The following GTF2E2 variants were observed in gnomAD, a reference collection of about 807,000 sequenced individuals.
GTF2E2 encodes the protein transcription initiation factor IIE subunit beta.
GTF2E2 carries 21 observed loss-of-function variants against 40.5 expected under a neutral mutation model. That is an observed-to-expected ratio of 0.52 (90% CI 0.37 to 0.75). The LOEUF is 0.75. Among genes scored for constraint, GTF2E2 ranks in the 30% least tolerant of loss-of-function variants. GTF2E2 has a pLI of 0.00. For missense variants in GTF2E2, 298 were observed against 338.4 expected (o/e 0.88, Z 0.94); for synonymous variants, 117 against 121.6 (o/e 0.96, Z 0.25).
In GTF2E2 at chr8:30,607,104, T is replaced by C. The variant is rs1829336789; in HGVS notation, c.596A>G (p.Lys199Arg). 1.3e-6 allele frequency: 2 copies of C among 1,498,780 alleles called. No individual in the cohort carries two copies. The highest frequency in any genetic ancestry group is 1.2e-5 in the South Asian group (1 of 83,494). 92.8% of individuals were successfully genotyped at this position (1,498,780 alleles called of 1,614,324 possible). ...ILFVNRPDKK[K>R]ILFFNDKSCQ... ...GCTCTTATCATTGAAGAAAAGTATT[T>C]TCTTCTTATCGGGACGATTTACAAA... Residue 199 changes from lysine (K) to arginine (R), a missense_variant, in exon 6 of 8, where the codon AAA becomes AGA. Lys to Arg is a conservative substitution (Grantham distance 26). Coordinates refer to ENST00000355904, the MANE Select transcript of GTF2E2 (RefSeq NM_002095.6).
chr8:30,650,318 ATAGAC>A (rs768902022), intron 2 of GTF2E2, among the ~76,000 whole-genome samples: 1 of 152,198 alleles, frequency 6.6e-6, no homozygotes, highest in South Asian at 2.1e-4. Context: ...TATCATATTA[ATAGAC>A]TAAAGAGTGA....
At chr8:30,584,336 A>C (rs986316323) in intron 6 of GTF2E2, among the ~76,000 whole-genome samples, 1 of 147,970 alleles carries the variant, frequency 6.8e-6, no homozygotes, top group Admixed American at 6.7e-5. Context: ...TTATTATAGA[A>C]TGGTATTTAA....
chr8:30,633,954 C>CT (rs150331341), intron 3 of GTF2E2, among the ~76,000 whole-genome samples: 1 of 152,174 alleles, frequency 6.6e-6, no homozygotes, highest in Non-Finnish European at 1.5e-5. Flanking sequence ...AAAGAAAAGC[C>CT]TTAGCACAGT....
At chr8:30,647,482 G>A (rs1397597057) in intron 2 of GTF2E2, among the ~76,000 whole-genome samples, 1 of 152,124 alleles carries the variant, frequency 6.6e-6, no homozygotes, top group East Asian at 1.9e-4. Context: ...TACTTGGGAG[G>A]CTGAGGCAGA....
chr8:30,578,745 A>T lies in GTF2E2; in HGVS notation c.*176T>A. 1 of 537,788 alleles carries T rather than the reference A, an allele frequency of 1.9e-6. No individual in the cohort carries two copies. The highest frequency in any genetic ancestry group is 3.4e-6 in the Non-Finnish European group (1 of 296,714). The allele number at this position is 537,788 out of a possible 1,614,324, so 33.3% of individuals were successfully genotyped here. On this transcript the variant is annotated 3_prime_UTR_variant, in exon 8 of 8. Coordinates refer to ENST00000355904, the MANE Select transcript of GTF2E2 (RefSeq NM_002095.6). ...AACAGGGAACATCACATTGCCCATG[A>T]GCCCATTCTACTCAAATAAGCTTTG...
chr8:30,615,646 A>C (rs1800899210), intron 3 of GTF2E2, among the ~76,000 whole-genome samples: 1 of 151,968 alleles, frequency 6.6e-6, no homozygotes, highest in African/African-American at 2.4e-5. Flanking sequence ...ATCCAAAGAA[A>C]ACACACACAC....
rs745410470 is a variant in GTF2E2 at position 30,645,476 on chromosome 8, A to T, written c.166+7957T>A. The T allele has an allele frequency of 2.6e-6, 4 of 1,535,508 alleles. No individual in the cohort carries two copies. The South Asian group carries it at 3.6e-5, about 14-fold the overall frequency. Reference sequence around the variant, plus strand: ...TCTTTAGTGGTGCTGGCTTTCCTTTATGAAGTGCTTGACTGCTGCTGCTGT... The same window carrying T: ...TCTTTAGTGGTGCTGGCTTTCCTTTTTGAAGTGCTTGACTGCTGCTGCTGT... On this transcript the variant is annotated intron_variant, in intron 2 of 7. Coordinates refer to ENST00000355904, the MANE Select transcript of GTF2E2 (RefSeq NM_002095.6).
At chr8:30,606,316 C>G (rs1033501006) in intron 6 of GTF2E2, among the ~76,000 whole-genome samples, 2 of 152,156 alleles carry the variant, frequency 1.3e-5, no homozygotes, top group African/African-American at 4.8e-5. Context: ...GCCTGGATAT[C>G]TATAGACAGA....
At chr8:30,643,522 G>A (rs1801933014) in intron 2 of GTF2E2, 1 of 152,136 alleles carries the variant, frequency 6.6e-6, no homozygotes, top group African/African-American at 2.4e-5. Flanking sequence ...CAGGTGTGGT[G>A]GCACATGCCT....
intron 3 of GTF2E2, among the ~76,000 whole-genome samples, chr8:30,632,352 A>G (rs969794176): frequency 1.3e-5 from 2 of 152,184 alleles, no homozygotes; most frequent in African/African-American, 2.4e-5. Flanking sequence ...ATTATCCAAA[A>G]TATCTGGTAA....
Position 30,658,170 on chromosome 8 carries a change from T to TAGCTGAGGCGGC in GTF2E2, c.-214_-203dup. 5.6e-6 allele frequency: 1 copy of TAGCTGAGGCGGC among 179,490 alleles called. No individual in the cohort carries two copies. The highest frequency in any genetic ancestry group is 1.1e-5 in the Non-Finnish European group (1 of 88,716). 11.1% of individuals were successfully genotyped at this position (179,490 alleles called of 1,614,324 possible). On this transcript the variant is annotated 5_prime_UTR_variant, in exon 1 of 8. Transcript: ENST00000355904. ...GCGGCGGCGGCGGCGGCAGCGGCGGTAGCTGAGGCGGCGACTGGACCCGGG... is the reference window on the plus strand; with the variant it reads ...GCGGCGGCGGCGGCGGCAGCGGCGGTAGCTGAGGCGGCAGCTGAGGCGGCGACTGGACCCGGG...
chr8:30,626,924 A>C (rs1801294623), intron 3 of GTF2E2, among the ~76,000 whole-genome samples: 1 of 152,264 alleles, frequency 6.6e-6, no homozygotes, highest in East Asian at 1.9e-4. Flanking sequence ...ACTTACTGGA[A>C]TCTCAGAGTA....
chr8:30,588,237 T>C (rs1030280658), intron 6 of GTF2E2, among the ~76,000 whole-genome samples: 2 of 152,206 alleles, frequency 1.3e-5, no homozygotes, highest in African/African-American at 4.8e-5. Context: ...TTCTAAGGAC[T>C]TGAACTTAGT....
chr8:30,593,426 T>C (rs983145699), intron 6 of GTF2E2, among the ~76,000 whole-genome samples: 1 of 152,242 alleles, frequency 6.6e-6, no homozygotes, highest in African/African-American at 2.4e-5. Flanking sequence ...GGAAGGCCTG[T>C]TGTTAGATAT....
intron 3 of GTF2E2, among the ~76,000 whole-genome samples, chr8:30,631,804 A>G (rs953610273): frequency 3.3e-5 from 5 of 152,202 alleles, no homozygotes; most frequent in African/African-American, 1.2e-4. Context: ...ACATTTAAAA[A>G]GGAGTAACAG....
chr8:30,592,944 T>C (rs1431861212), intron 6 of GTF2E2, among the ~76,000 whole-genome samples: 4 of 152,194 alleles, frequency 2.6e-5, no homozygotes, highest in African/African-American at 4.8e-5. Context: ...CTCACGCATG[T>C]AATCCCAGCA....
chr8:30,630,921 A>G (rs999890005), intron 3 of GTF2E2, among the ~76,000 whole-genome samples: 1 of 152,186 alleles, frequency 6.6e-6, no homozygotes, highest in African/African-American at 2.4e-5. Flanking sequence ...CCCCACCTCC[A>G]TTCAGTATTG....
chr8:30,615,141 T>C (rs1277629732), intron 3 of GTF2E2, among the ~76,000 whole-genome samples: 1 of 151,926 alleles, frequency 6.6e-6, no homozygotes, highest in Non-Finnish European at 1.5e-5. Flanking sequence ...CAGCCGTGCA[T>C]GGTGGTGCAT....
chr8:30,622,867 C>T (rs932583413), intron 3 of GTF2E2, among the ~76,000 whole-genome samples: 1 of 152,070 alleles, frequency 6.6e-6, no homozygotes, highest in African/African-American at 2.4e-5. Flanking sequence ...TCTCTTATTC[C>T]CTGAACATTG....
Sources: allele counts gnomAD v4.1 joint callset (sites outside exome capture counted in the v4.1 genomes callset), GRCh38; gene constraint gnomAD v4.1.1; transcripts MANE v1.5; gene names NCBI Gene and HGNC (gene_info 2026-07-23, HGNC 2026-07-21).